Variants in CNTN5 observed in about 807,000 individuals in gnomAD.
CNTN5 encodes contactin 5, also known as contactin-5.
In CNTN5, 77 loss-of-function variants were observed where a neutral mutation model predicts 129.1. The observed-to-expected ratio is 0.60, with a 90% CI of 0.50 to 0.72. The LOEUF is 0.72. Among genes scored for constraint, CNTN5 ranks in the 30% least tolerant of loss-of-function variants. The probability of loss-of-function intolerance (pLI) is 0.00; values close to 1 mark genes in which losing one functional copy is unlikely to be tolerated. For synonymous variants in CNTN5, 509 were observed against 465.6 expected (o/e 1.09, Z -1.20); for missense variants, 1,478 against 1,328.8 (o/e 1.11, Z -1.75).
At chr11:99,559,141 G>T (rs1181085233) in intron 3 of CNTN5, among the ~76,000 whole-genome samples, 1 of 151,694 alleles carries the variant, frequency 6.6e-6, no homozygotes, top group Non-Finnish European at 1.5e-5. Context: ...ACTGGTTATT[G>T]CTTTTAGCTG....
chr11:100,099,893 G>A (rs12286244), intron 13 of CNTN5, among the ~76,000 whole-genome samples: 1,729 of 152,036 alleles, frequency 0.011, 38 homozygotes, highest in African/African-American at 0.039. Context: ...TCCATATCCA[G>A]TAGGCACTCT....
chr11:99,804,122 G>A (rs966177170), intron 3 of CNTN5, among the ~76,000 whole-genome samples: 8 of 151,882 alleles, frequency 5.3e-5, no homozygotes, highest in African/African-American at 1.9e-4. Flanking sequence ...CCAAAAGGCT[G>A]GTGGTTTTCA....
chr11:100,247,519 A>C (rs1949867639), intron 16 of CNTN5, among the ~76,000 whole-genome samples: 1 of 152,158 alleles, frequency 6.6e-6, no homozygotes, highest in African/African-American at 2.4e-5. Context: ...TGAGTAACGT[A>C]ATGGTGGTCA....
chr11:100,160,118 G>A (rs555429975), intron 13 of CNTN5, among the ~76,000 whole-genome samples: 1 of 151,926 alleles, frequency 6.6e-6, no homozygotes, highest in South Asian at 2.1e-4. Context: ...TCCCCTCTCT[G>A]TGTCCATGTG....
chr11:99,411,618 C>G (rs368743640), intron 2 of CNTN5, among the ~76,000 whole-genome samples: 43 of 152,092 alleles, frequency 2.8e-4, no homozygotes, highest in African/African-American at 9.9e-4. Context: ...GGAGATGAGC[C>G]CAAGGAGAAC....
chr11:100,289,838 CAT>C (rs1468765220), intron 18 of CNTN5, among the ~76,000 whole-genome samples: 5 of 150,156 alleles, frequency 3.3e-5, no homozygotes, highest in Non-Finnish European at 1.5e-5. Context: ...TTGCAGATGA[CAT>C]GATTGTATAT....
intron 16 of CNTN5, among the ~76,000 whole-genome samples, chr11:100,237,038 A>C (rs1694264117): frequency 6.6e-6 from 1 of 151,796 alleles, no homozygotes; most frequent in Admixed American, 6.6e-5. Context: ...AAATACAAAA[A>C]ATTAGCCAGG....
At chr11:100,203,148 A>G (rs773029709) in intron 15 of CNTN5, among the ~76,000 whole-genome samples, 33 of 152,086 alleles carry the variant, frequency 2.2e-4, no homozygotes, top group African/African-American at 7.7e-4. Context: ...AAATTCTCCC[A>G]TAAAAGTTAC....
At chr11:100,323,006 T>C (rs1461537744) in intron 21 of CNTN5, among the ~76,000 whole-genome samples, 1 of 152,246 alleles carries the variant, frequency 6.6e-6, no homozygotes, top group Admixed American at 6.5e-5. Flanking sequence ...TCAGCCATTA[T>C]ATTGTTTCAC....
At chr11:100,113,942 A>G (rs1945753455) in intron 13 of CNTN5, among the ~76,000 whole-genome samples, 1 of 152,088 alleles carries the variant, frequency 6.6e-6, no homozygotes, top group Non-Finnish European at 1.5e-5. Flanking sequence ...TACCATTTAC[A>G]TAAAACTTGA....
At chr11:100,043,015 A>C (rs1336906892) in intron 9 of CNTN5, among the ~76,000 whole-genome samples, 1 of 148,904 alleles carries the variant, frequency 6.7e-6, no homozygotes, top group Non-Finnish European at 1.5e-5. Context: ...TAGTGTAGCT[A>C]AAATCAGTCC....
chr11:99,275,256 T>C lies in CNTN5; in HGVS notation c.-209-50090T>C, dbSNP rs948900847. On this transcript the variant is annotated intron_variant, in intron 1 of 24. Coordinates refer to ENST00000524871, the MANE Select transcript of CNTN5 (RefSeq NM_014361.4). ...TCATCTTAGTGCTTGCTATCCTTTT[T>C]GTCCTTGTCTCCTTTCTTTAAATAT... Among the ~76,000 whole-genome samples the C allele has an allele frequency of 3.3e-5, 5 of 151,620 alleles. No homozygotes were observed. In the East Asian group the frequency reaches 5.8e-4, roughly 18 times the overall value.
chr11:100,355,062 CTT>C (rs1185347182), intron 24 of CNTN5, among the ~76,000 whole-genome samples: 3 of 151,612 alleles, frequency 2.0e-5, no homozygotes, highest in African/African-American at 7.3e-5. Flanking sequence ...CTCTAATAAA[CTT>C]AGCTTACTGT....
At chr11:99,551,539 T>C (rs1368667161) in intron 2 of CNTN5, among the ~76,000 whole-genome samples, 1 of 152,192 alleles carries the variant, frequency 6.6e-6, no homozygotes, top group Admixed American at 6.5e-5. Flanking sequence ...TAAATGGTAG[T>C]TGTTATTAGG....
At chr11:99,728,994 C>T (rs1393141489) in intron 3 of CNTN5, among the ~76,000 whole-genome samples, 1 of 152,096 alleles carries the variant, frequency 6.6e-6, no homozygotes, top group Non-Finnish European at 1.5e-5. Flanking sequence ...TCTGGATCTT[C>T]AGTAGAGTGA....
At chr11:99,828,074 C>T (rs115633405) in intron 4 of CNTN5, among the ~76,000 whole-genome samples, 150 of 152,044 alleles carry the variant, frequency 9.9e-4, no homozygotes, top group African/African-American at 3.5e-3. Flanking sequence ...GATTGTATAG[C>T]ACATTCATAT....
chr11:99,800,098 T>C (rs543173639), intron 3 of CNTN5, among the ~76,000 whole-genome samples: 3 of 152,150 alleles, frequency 2.0e-5, no homozygotes, highest in Non-Finnish European at 4.4e-5. Context: ...GATAGATATT[T>C]AGTGTAATAA....
At chr11:99,495,527 G>T (rs1388023803) in intron 2 of CNTN5, among the ~76,000 whole-genome samples, 1 of 152,122 alleles carries the variant, frequency 6.6e-6, no homozygotes, top group Non-Finnish European at 1.5e-5. Flanking sequence ...AGTTTTCATG[G>T]CTTCTGAGTA....
chr11:99,422,066 A>C (rs1038776589), intron 2 of CNTN5, among the ~76,000 whole-genome samples: 4 of 152,160 alleles, frequency 2.6e-5, no homozygotes, highest in African/African-American at 9.7e-5. Flanking sequence ...TGAGGTCATC[A>C]GAGCAATCAA....
Sources: allele counts gnomAD v4.1 joint callset (sites outside exome capture counted in the v4.1 genomes callset), GRCh38; gene constraint gnomAD v4.1.1; transcripts MANE v1.5; gene names NCBI Gene and HGNC (gene_info 2026-07-23, HGNC 2026-07-21).